The following METTL8 variants were observed in gnomAD, a reference collection of about 807,000 sequenced individuals.
The protein encoded by METTL8 is tRNA N(3)-cytidine methyltransferase METTL8, mitochondrial.
METTL8 carries 32 observed loss-of-function variants against 48.7 expected under a neutral mutation model. That is an observed-to-expected ratio of 0.66 (90% CI 0.50 to 0.88). METTL8 has a LOEUF of 0.88. METTL8 is among the 40% of genes least tolerant of loss of function. The pLI, the probability that METTL8 is intolerant of heterozygous loss-of-function variation, is 0.00. For missense variants in METTL8, 464 were observed against 474.4 expected, an observed-to-expected ratio of 0.98 and a Z score of 0.20; for synonymous variants, 136 against 157.1, an observed-to-expected ratio of 0.87 and a Z score of 1.01.
At chr2:171,434,016 TAAGTGCAGGGCGCA>T, upstream of METTL8, 1 of 256,056 alleles carries the variant, frequency 3.9e-6, no homozygotes, top group Middle Eastern at 1.5e-3. Context: ...GAGGGATCCC[TAAGTGCAGGGCGCA>T]CACACGGGGC....
At chr2:171,326,496 G>A (rs1391716139) in intron 7 of METTL8, 1 of 189,690 alleles carries the variant, frequency 5.3e-6, no homozygotes, top group Non-Finnish European at 1.1e-5. Flanking sequence ...GACAACAATG[G>A]AGTGTGCTTC....
intron 3 of METTL8, among the ~76,000 whole-genome samples, chr2:171,359,380 T>G (rs1480185457): frequency 1.3e-5 from 2 of 152,116 alleles, no homozygotes; most frequent in Non-Finnish European, 2.9e-5. Flanking sequence ...CTGGTGAGGA[T>G]GTGAAAAAAG....
chr2:171,406,063 T>G (rs1022226240), intron 1 of METTL8, among the ~76,000 whole-genome samples: 6 of 152,214 alleles, frequency 3.9e-5, no homozygotes, highest in African/African-American at 1.4e-4. Flanking sequence ...CTACTTCCCA[T>G]AGCTCATGGA....
rs1473575684 is a variant in METTL8, at chr2:171,325,855, T to C, written c.1019A>G (p.Tyr340Cys). 1.9e-6 allele frequency: 3 copies of C among 1,587,274 alleles called. No homozygotes were observed. The highest frequency in any genetic ancestry group is 2.6e-6 in the Non-Finnish European group (3 of 1,163,724). The change falls in exon 9 of 10, where the codon TAT becomes TGT. Residue 340 changes from tyrosine to cysteine, a missense_variant. By Grantham distance (194) the Tyr-to-Cys change is radical. Transcript: ENST00000375258. ...GATTAGCATACCTTTTGTAAAGAAA[T>C]ATGCTCTGGTACCATCTCCTCGAAC... ...FYVRGDGTRA[Y>C]FFTKGEVHSM...
rs1045078102 is a variant in METTL8, at chr2:171,323,544, T to A, written c.*628A>T. 9 of 152,154 alleles carry A rather than the reference T, an allele frequency of 5.9e-5. No individual in the cohort carries two copies. The highest frequency in any genetic ancestry group is 1.9e-4 in the African/African-American group (8 of 41,434). The allele number at this position is 152,154 out of a possible 1,614,324, so 9.4% of individuals were successfully genotyped here. Reference sequence around the variant, plus strand: ...CCATTGCACCTGGCCTAACAACTTGTATATCTAAGAATAGCCTGAAAATAA... The same window carrying A: ...CCATTGCACCTGGCCTAACAACTTGAATATCTAAGAATAGCCTGAAAATAA... On this transcript the variant is annotated 3_prime_UTR_variant, in exon 10 of 10. Transcript: ENST00000375258.
chr2:171,338,085 C>A (rs182264210), intron 4 of METTL8, among the ~76,000 whole-genome samples: 7 of 152,212 alleles, frequency 4.6e-5, no homozygotes, highest in African/African-American at 9.6e-5. Context: ...AAATTATGAA[C>A]TAGAAAATCT....
At chr2:171,368,938 C>T (rs1398086452) in intron 2 of METTL8, among the ~76,000 whole-genome samples, 2 of 152,044 alleles carry the variant, frequency 1.3e-5, no homozygotes, top group African/African-American at 4.8e-5. Context: ...CATATTGCAA[C>T]TAAGAAACTA....
At chr2:171,356,952 A>ATGTTTTTTTTTTGTTTT in intron 3 of METTL8, among the ~76,000 whole-genome samples, 2,406 of 78,406 alleles carry the variant, frequency 0.031, 217 homozygotes, top group Admixed American at 0.043. Flanking sequence ...CAAAGACAAT[A>ATGTTTTTTTTTTGTTTT]TTTTTTTTTT....
intron 6 of METTL8, among the ~76,000 whole-genome samples, chr2:171,331,111 C>T (rs1224673439): frequency 6.6e-6 from 1 of 151,960 alleles, no homozygotes; most frequent in Non-Finnish European, 1.5e-5. Context: ...GTGTTGTTGG[C>T]CTTTCTTTCT....
rs561198596 is a variant in METTL8 at position 171,415,413 on chromosome 2, C to T, written c.-13+18470G>A. ...TGTTGCCCAGGCTGGAGTGCAGTGG[C>T]GCGATCTTGGCTCACTGCAACCTCT... is the stretch of plus-strand genomic sequence containing the variant. On this transcript the variant is annotated intron_variant, in intron 1 of 9. Coordinates refer to ENST00000375258, the MANE Select transcript of METTL8 (RefSeq NM_001321154.2). Among the ~76,000 whole-genome samples the T allele has an allele frequency of 5.9e-5, 8 of 135,008 alleles. No homozygotes were observed. In the South Asian group the frequency reaches 6.9e-4, roughly 12 times the overall value. The allele number at this position is 135,008 out of a possible 152,430, so 88.6% of individuals were successfully genotyped here. A position where few individuals can be genotyped will look rare whatever the true frequency, so the allele number is the denominator to read the frequency against.
chr2:171,340,612 T>C (rs762493753), intron 3 of METTL8, among the ~76,000 whole-genome samples: 1 of 152,100 alleles, frequency 6.6e-6, no homozygotes, highest in Non-Finnish European at 1.5e-5. Context: ...TTAATGTATT[T>C]ACAAATACAA....
intron 1 of METTL8, among the ~76,000 whole-genome samples, chr2:171,418,886 C>T (rs1221229229): frequency 2.0e-5 from 3 of 151,942 alleles, no homozygotes; most frequent in Admixed American, 1.3e-4. Context: ...CCCCAGGAGG[C>T]GGAGGCTGCA....
intron 1 of METTL8, among the ~76,000 whole-genome samples, chr2:171,413,875 G>A (rs889283332): frequency 6.6e-6 from 1 of 152,000 alleles, no homozygotes; most frequent in Non-Finnish European, 1.5e-5. Context: ...CAAACTGAGG[G>A]GGCACTGAAC....
chr2:171,407,102 C>A (rs1690260850), intron 1 of METTL8, among the ~76,000 whole-genome samples: 1 of 152,010 alleles, frequency 6.6e-6, no homozygotes, highest in African/African-American at 2.4e-5. Flanking sequence ...AACTAGTAAC[C>A]ACAGAGTAAG....
At position 171,315,800 on chromosome 2, in the gene METTL8, C is replaced by G. The variant is rs1351014613; in HGVS notation, c.*8372G>C. On this transcript the variant is annotated 3_prime_UTR_variant, in exon 10 of 10. Coordinates refer to ENST00000375258, the MANE Select transcript of METTL8 (RefSeq NM_001321154.2). ...ATGTGCCAAAGAGGAGAAGAAATCA[C>G]AGAAGATTTACAAAACTTACATGAA... 6.6e-6 allele frequency among the ~76,000 whole-genome samples: 1 copy of G among 152,098 alleles called. No homozygotes were observed. The highest frequency in any genetic ancestry group is 2.4e-5 in the African/African-American group (1 of 41,400).
At chr2:171,398,721 GTAAC>G (rs1179618412) in intron 1 of METTL8, among the ~76,000 whole-genome samples, 1 of 152,122 alleles carries the variant, frequency 6.6e-6, no homozygotes, top group Non-Finnish European at 1.5e-5. Flanking sequence ...ACACACAAAG[GTAAC>G]TATGTGAGAA....
chr2:171,362,353 T>A (rs890857218), intron 2 of METTL8, among the ~76,000 whole-genome samples: 1 of 151,976 alleles, frequency 6.6e-6, no homozygotes, highest in African/African-American at 2.4e-5. Flanking sequence ...AGTAGAAGTG[T>A]AAGAGTCATG....
chr2:171,354,587 C>G (rs898117012), intron 3 of METTL8, among the ~76,000 whole-genome samples: 5 of 152,244 alleles, frequency 3.3e-5, no homozygotes, highest in African/African-American at 1.2e-4. Flanking sequence ...CTGTCACTTT[C>G]AGGTACACCA....
chr2:171,340,733 T>C (rs1647579224), intron 3 of METTL8, among the ~76,000 whole-genome samples: 5 of 152,136 alleles, frequency 3.3e-5, no homozygotes, highest in Admixed American at 3.3e-4. Flanking sequence ...CCTCCCTTTT[T>C]GCATTTGAAG....
Sources: gnomAD v4.1 joint callset for allele counts (sites outside exome capture counted in the v4.1 genomes callset) on GRCh38, gnomAD v4.1.1 for gene constraint, MANE v1.5 for transcripts, NCBI Gene and HGNC (gene_info 2026-07-23, HGNC 2026-07-21) for gene names.